MVB12B: variants seen among roughly 807,000 people sequenced by gnomAD.
MVB12B encodes ESCRT-I complex subunit MVB12B.
A neutral mutation model predicts 41.6 loss-of-function variants in MVB12B; 16 were observed. The ratio of observed to expected loss-of-function variants is 0.38; its 90% CI spans 0.26 to 0.58. MVB12B has a LOEUF of 0.58. Among genes scored for constraint, MVB12B ranks in the 20% least tolerant of loss-of-function variants. The pLI, the probability that MVB12B is intolerant of heterozygous loss-of-function variation, is 0.62. For missense variants in MVB12B, 274 were observed against 380.2 expected (o/e 0.72, Z 2.32); for synonymous variants, 133 against 139.7 (o/e 0.95, Z 0.34).
At position 126,392,447 on chromosome 9, in the gene MVB12B, G is replaced by T. The variant is rs1485491156; in HGVS notation, c.539+252G>T. Among the ~76,000 whole-genome samples the T allele has an allele frequency of 6.6e-6, 1 of 152,096 alleles. No individual in the cohort carries two copies. The highest frequency in any genetic ancestry group is 1.5e-5 in the Non-Finnish European group (1 of 68,028). On this transcript the variant is annotated intron_variant, in intron 5 of 9. Coordinates refer to ENST00000361171, the MANE Select transcript of MVB12B (RefSeq NM_033446.3). This position sits in a 1 kb window ranked among gnomAD's most constrained non-coding sequence, Gnocchi z 4.8. ...CGCATTCAGCCTTGAAGCTCCTCTG[G>T]GTCCTTCCCCGACACCCTGTGATGC... is the stretch of plus-strand genomic sequence containing the variant.
rs533879857 is a variant in MVB12B, at chr9:126,391,906, G to A, written c.410-160G>A. On this transcript the variant is annotated intron_variant, in intron 4 of 9. Transcript: ENST00000361171. The surrounding 1 kb of genome is among the most constrained non-coding windows in gnomAD (Gnocchi z 4.4). ...TGCAGAGCAGGGTGACTGCAGCCCC[G>A]GGGAAGGCAGGCGGCAGAGCGCAGC... 3.8e-4 allele frequency among the ~76,000 whole-genome samples: 58 copies of A among 152,252 alleles called. No individual in the cohort carries two copies. The highest frequency in any genetic ancestry group is 6.3e-4 in the Non-Finnish European group (43 of 68,018).
chr9:126,456,399 C>A (rs778521393), intron 7 of MVB12B, among the ~76,000 whole-genome samples: 1 of 152,154 alleles, frequency 6.6e-6, no homozygotes, highest in Non-Finnish European at 1.5e-5. Context: ...AAACTGACAT[C>A]ATTCATAAAG....
Position 126,505,653 on chromosome 9 carries a change from C to CGTGTGTGTGTGT in MVB12B, c.*2390_*2391insGTGTGTGTGTGT, listed in dbSNP as rs1834049776. On this transcript the variant is annotated 3_prime_UTR_variant, in exon 10 of 10. Transcript: ENST00000361171. ...AGAGGTGGGTGAGGACAAGCATGTGCCTGTGTGTGTGTGTGTGTGTGTGTG... is the reference window on the plus strand; with the variant it reads ...AGAGGTGGGTGAGGACAAGCATGTGCGTGTGTGTGTGTCTGTGTGTGTGTGTGTGTGTGTGTG... The CGTGTGTGTGTGT allele has an allele frequency of 8.0e-6, 1 of 124,938 alleles. No homozygotes were observed. The highest frequency in any genetic ancestry group is 2.6e-4 in the South Asian group (1 of 3,778). The allele number at this position is 124,938 out of a possible 1,614,324, so 7.7% of individuals were successfully genotyped here.
intron 7 of MVB12B, among the ~76,000 whole-genome samples, chr9:126,462,060 G>A (rs566000021): frequency 6.0e-4 from 91 of 152,194 alleles, no homozygotes; most frequent in Non-Finnish European, 1.1e-3. Context: ...ATTAAATGAC[G>A]ATAAAAACGC....
intron 7 of MVB12B, among the ~76,000 whole-genome samples, chr9:126,456,686 A>G (rs532371443): frequency 6.6e-6 from 1 of 152,230 alleles, no homozygotes; most frequent in East Asian, 1.9e-4. Flanking sequence ...TTGAACGCGC[A>G]GCTTCCTTTT....
intron 7 of MVB12B, among the ~76,000 whole-genome samples, chr9:126,472,081 G>A (rs1340935956): frequency 6.6e-6 from 1 of 152,008 alleles, no homozygotes; most frequent in African/African-American, 2.4e-5. Context: ...CACCCCTGCT[G>A]TGTATTGAGA....
At position 126,436,516 on chromosome 9, in the gene MVB12B, A is replaced by G. The variant is rs16929013; in HGVS notation, c.757+14568A>G. On this transcript the variant is annotated intron_variant, in intron 7 of 9. Transcript: ENST00000361171. The surrounding 1 kb of genome is among the most constrained non-coding windows in gnomAD (Gnocchi z 4.1). Reference sequence around the variant, plus strand: ...GTCTGCCACTTAGTATAAAAGTGAAAAGGTTACGTGTACTAGTTTGAGTAT... The same window carrying G: ...GTCTGCCACTTAGTATAAAAGTGAAGAGGTTACGTGTACTAGTTTGAGTAT... 0.012 allele frequency among the ~76,000 whole-genome samples: 1,773 copies of G among 152,324 alleles called. 27 individuals carry two copies. Among genetic ancestry groups the G allele is most frequent in the African/African-American group, 0.04 (1,673 of 41,578 alleles).
chr9:126,388,341 T>C (rs988464942), intron 4 of MVB12B, among the ~76,000 whole-genome samples: 1 of 152,226 alleles, frequency 6.6e-6, no homozygotes, highest in Non-Finnish European at 1.5e-5. Context: ...GTTTTCAAGG[T>C]TGGCCCACGT....
At position 126,389,469 on chromosome 9, in the gene MVB12B, A is replaced by G. The variant is rs1033524425; in HGVS notation, c.410-2597A>G. ...GCTGTGTACTTTCTCTGTGTTCATT[A>G]GCATGACTGAACACATTTCTATTGA... On this transcript the variant is annotated intron_variant, in intron 4 of 9. Transcript: ENST00000361171. The surrounding 1 kb of genome is among the most constrained non-coding windows in gnomAD (Gnocchi z 4.4). 2.0e-5 allele frequency among the ~76,000 whole-genome samples: 3 copies of G among 152,212 alleles called. No individual in the cohort carries two copies. The highest frequency in any genetic ancestry group is 7.2e-5 in the African/African-American group (3 of 41,454).
chr9:126,464,974 G>A (rs905581190), intron 7 of MVB12B, among the ~76,000 whole-genome samples: 1 of 152,144 alleles, frequency 6.6e-6, no homozygotes, highest in African/African-American at 2.4e-5. Flanking sequence ...TGCCGGTATC[G>A]GCTTCAGACA....
rs777353280 is a variant in MVB12B, at chr9:126,386,527, A to T, written c.313-35A>T. Reference sequence around the variant, plus strand: ...GCAAACCCACCACATGCATGTTCAGATTAATAGTCTGTATCTCTTTTCTTT... The same window carrying T: ...GCAAACCCACCACATGCATGTTCAGTTTAATAGTCTGTATCTCTTTTCTTT... On this transcript the variant is annotated intron_variant, in intron 3 of 9. Transcript: ENST00000361171. The surrounding 1 kb of genome is among the most constrained non-coding windows in gnomAD (Gnocchi z 4.3). 3 of 1,542,278 alleles carry T rather than the reference A, an allele frequency of 1.9e-6. No homozygotes were observed. In the Admixed American group the frequency reaches 5.0e-5, roughly 26 times the overall value.
chr9:126,334,029 G>C (rs941845844), intron 1 of MVB12B, among the ~76,000 whole-genome samples: 1 of 152,144 alleles, frequency 6.6e-6, no homozygotes, highest in African/African-American at 2.4e-5. Context: ...AGTATCTCAG[G>C]GGGTGGGGTT....
At chr9:126,422,491 C>T (rs1266007163) in intron 7 of MVB12B, among the ~76,000 whole-genome samples, 2 of 152,206 alleles carry the variant, frequency 1.3e-5, no homozygotes, top group Non-Finnish European at 2.9e-5. Flanking sequence ...TTCACCTTCA[C>T]CCAGGGAGGG....
At chr9:126,503,123 T>G in intron 9 of MVB12B, 54 bp from the exon 10 acceptor site, 1 of 1,442,826 alleles carries the variant, frequency 6.9e-7, no homozygotes, top group Non-Finnish European at 9.5e-7. Context: ...TGGAGGGGTT[T>G]CCCTAGTGTC....
chr9:126,425,806 C>T (rs905773648), intron 7 of MVB12B, among the ~76,000 whole-genome samples: 1 of 152,140 alleles, frequency 6.6e-6, no homozygotes, highest in African/African-American at 2.4e-5. Flanking sequence ...CAGTGTGTCA[C>T]TCTGTAGGGT....
At position 126,395,669 on chromosome 9, in the gene MVB12B, G is replaced by C; in HGVS notation, c.634G>C (p.Ala212Pro). ...CACAACGCCTTCCCAGTCATCAGCTGCCTCCACCCCAGCCCCCAACCTTCC... is the reference window on the plus strand; with the variant it reads ...CACAACGCCTTCCCAGTCATCAGCTCCCTCCACCCCAGCCCCCAACCTTCC... Reference protein sequence around the residue: ...QPTTPSQSSAASTPAPNLPRH... With the variant: ...QPTTPSQSSAPSTPAPNLPRH... Residue 212 changes from alanine (A) to proline (P), a missense_variant, in exon 6 of 10, where the codon GCC becomes CCC. By Grantham distance (27) the Ala-to-Pro change is conservative. Coordinates refer to ENST00000361171, the MANE Select transcript of MVB12B (RefSeq NM_033446.3). This position sits in a 1 kb window ranked among gnomAD's most constrained non-coding sequence, Gnocchi z 4.9. The C allele has an allele frequency of 6.2e-7, 1 of 1,614,084 alleles. No homozygotes were observed. The highest frequency in any genetic ancestry group is 8.5e-7 in the Non-Finnish European group (1 of 1,180,006).
chr9:126,436,903 A>G lies in MVB12B; in HGVS notation c.757+14955A>G, dbSNP rs1364254648. On this transcript the variant is annotated intron_variant, in intron 7 of 9. Coordinates refer to ENST00000361171, the MANE Select transcript of MVB12B (RefSeq NM_033446.3). This position sits in a 1 kb window ranked among gnomAD's most constrained non-coding sequence, Gnocchi z 4.1. ...ATCAGTTAATTTACTCATTAAAAGA[A>G]TTTATTTTAGGTGGACCAATTAAAA... Among the ~76,000 whole-genome samples the G allele has an allele frequency of 1.3e-5, 2 of 152,230 alleles. No homozygotes were observed. Among genetic ancestry groups the G allele is most frequent in the Non-Finnish European group, 2.9e-5 (2 of 68,034 alleles).
At chr9:126,500,174 C>T (rs1342143032) in intron 9 of MVB12B, among the ~76,000 whole-genome samples, 1 of 151,880 alleles carries the variant, frequency 6.6e-6, no homozygotes, top group Non-Finnish European at 1.5e-5. Flanking sequence ...CTGCCACCCC[C>T]AGGAACCCGG....
chr9:126,433,331 T>C (rs1832379573), intron 7 of MVB12B, among the ~76,000 whole-genome samples: 2 of 149,726 alleles, frequency 1.3e-5, no homozygotes, highest in African/African-American at 4.8e-5. Flanking sequence ...ACACCAGGTA[T>C]CCCCTTTGAT....
Sources: gnomAD v4.1 joint callset for allele counts (sites outside exome capture counted in the v4.1 genomes callset) on GRCh38, gnomAD v4.1.1 for gene constraint, Gnocchi (gnomAD v3.1) non-coding constraint, MANE v1.5 for transcripts, NCBI Gene and HGNC (gene_info 2026-07-23, HGNC 2026-07-21) for gene names.